TRMT9B: variants seen among roughly 807,000 people sequenced by gnomAD.
TRMT9B encodes the protein tRNA methyltransferase 9B (putative), also known as probable tRNA methyltransferase 9B.
In TRMT9B, 16 loss-of-function variants were observed where a neutral mutation model predicts 11.5. The observed-to-expected ratio is 1.39, with a 90% CI of 0.94 to 2.11. The LOEUF is 2.11. Among genes scored for constraint, TRMT9B ranks in the 30% most tolerant of loss-of-function variants. TRMT9B has a pLI of 0.00. For synonymous variants in TRMT9B, 274 were observed against 192.4 expected (o/e 1.42, Z -3.51); for missense variants, 941 against 553.8 (o/e 1.70, Z -7.02).
intron 1 of TRMT9B, among the ~76,000 whole-genome samples, chr8:12,956,086 A>G (rs1801264127): frequency 6.6e-6 from 1 of 152,170 alleles, no homozygotes; most frequent in Non-Finnish European, 1.5e-5. Context: ...TTTCCTTCTT[A>G]CGCTACTCAT....
In TRMT9B at chr8:13,028,515, T is replaced by C. The variant is rs1355363391; in HGVS notation, c.*6471T>C. ...GAATTCCCTGAAGAAGGTACAATTA[T>C]ATTTACATTCCCTTAGCAAGAATTT... is the stretch of plus-strand genomic sequence containing the variant. On this transcript the variant is annotated 3_prime_UTR_variant, in exon 5 of 5. Transcript: ENST00000524591. The C allele has an allele frequency of 1.2e-5, 2 of 166,846 alleles. No homozygotes were observed. The highest frequency in any genetic ancestry group is 4.8e-5 in the African/African-American group (2 of 41,414). 10.3% of individuals were successfully genotyped at this position (166,846 alleles called of 1,614,324 possible). A position where few individuals can be genotyped will look rare whatever the true frequency, so the allele number is the denominator to read the frequency against.
chr8:12,965,956 T>A (rs1290668330), intron 1 of TRMT9B, among the ~76,000 whole-genome samples: 1 of 150,848 alleles, frequency 6.6e-6, no homozygotes, highest in African/African-American at 2.4e-5. Flanking sequence ...GAAGTAGTAG[T>A]GAGCCAAGAT....
At position 13,024,930 on chromosome 8, in the gene TRMT9B, C is replaced by T. The variant is rs1390888204; in HGVS notation, c.*2886C>T. ...TTTTTTTTAAAAAGCCATTGAAGAG[C>T]AAAACTAATGTAAACGTCTTGATCA... On this transcript the variant is annotated 3_prime_UTR_variant, in exon 5 of 5. Transcript: ENST00000524591. The T allele has an allele frequency of 6.0e-6, 1 of 166,890 alleles. No individual in the cohort carries two copies. The highest frequency in any genetic ancestry group is 2.4e-5 in the African/African-American group (1 of 41,386). The allele number at this position is 166,890 out of a possible 1,614,324, so 10.3% of individuals were successfully genotyped here.
At chr8:12,984,954 T>TACAC (rs112248064) in intron 1 of TRMT9B, among the ~76,000 whole-genome samples, 1,949 of 136,410 alleles carry the variant, frequency 0.014, 32 homozygotes, top group African/African-American at 0.037. Flanking sequence ...TCCCTCAACA[T>TACAC]ACACACACAC....
chr8:12,964,879 A>G (rs1478406274), intron 1 of TRMT9B, among the ~76,000 whole-genome samples: 1 of 152,174 alleles, frequency 6.6e-6, no homozygotes, highest in East Asian at 1.9e-4. Flanking sequence ...GGTGTGAGCC[A>G]TGTGCTTGGT....
intron 3 of TRMT9B, chr8:13,006,561 A>G (rs1393130271): frequency 5.6e-6 from 8 of 1,423,444 alleles, no homozygotes; most frequent in Non-Finnish European, 6.4e-6. Context: ...TCTAATAGGA[A>G]TCCTGAAATT....
intron 1 of TRMT9B, among the ~76,000 whole-genome samples, chr8:12,983,938 T>A (rs1487752946): frequency 6.6e-6 from 1 of 152,188 alleles, no homozygotes; most frequent in Non-Finnish European, 1.5e-5. Context: ...ATTAATGATA[T>A]GTCCTATTTT....
chr8:13,006,516 A>T, intron 3 of TRMT9B, 160 bp downstream of exon 3: 1 of 1,455,624 alleles, frequency 6.9e-7, no homozygotes, highest in Non-Finnish European at 9.1e-7. Context: ...CCTTCCATTG[A>T]GCCTTTGCTT....
chr8:13,017,571 A>G (rs1336442966), intron 4 of TRMT9B, among the ~76,000 whole-genome samples: 1 of 149,564 alleles, frequency 6.7e-6, no homozygotes, highest in African/African-American at 2.5e-5. Context: ...ATGCGTATGC[A>G]TGTCTAATAC....
At chr8:12,960,417 A>G (rs1287032911) in intron 1 of TRMT9B, 1 of 152,218 alleles carries the variant, frequency 6.6e-6, no homozygotes, top group Non-Finnish European at 1.5e-5. Flanking sequence ...CCCAGAATGG[A>G]CAGTGTTCCC....
intron 1 of TRMT9B, among the ~76,000 whole-genome samples, chr8:12,950,815 C>T (rs903879562): frequency 6.6e-6 from 1 of 152,142 alleles, no homozygotes; most frequent in Non-Finnish European, 1.5e-5. Flanking sequence ...AGACCAGCGT[C>T]TATGTGAGAC....
chr8:13,021,842 A>G lies in TRMT9B; in HGVS notation c.1163A>G (p.Asn388Ser), dbSNP rs944085496. The G allele has an allele frequency of 1.2e-6, 2 of 1,613,776 alleles. No individual in the cohort carries two copies. Among genetic ancestry groups the G allele is most frequent in the Non-Finnish European group, 1.7e-6 (2 of 1,179,766 alleles). Residue 388 changes from asparagine to serine, a missense_variant, in exon 5 of 5, where the codon AAC becomes AGC. Asn to Ser is a conservative substitution (Grantham distance 46). Transcript: ENST00000524591. ...TCTGCAGTTGATTCCACAGATTTCA[A>G]CCCAGATGATACAATGTCTGTCGAA... ...RISAVDSTDF[N>S]PDDTMSVEDP...
At chr8:12,964,273 A>G (rs1356028267) in intron 1 of TRMT9B, among the ~76,000 whole-genome samples, 1 of 152,226 alleles carries the variant, frequency 6.6e-6, no homozygotes, top group Non-Finnish European at 1.5e-5. Context: ...CCTACAGTTG[A>G]TAACACATCC....
At chr8:13,005,679 C>T (rs4240190) in intron 2 of TRMT9B, among the ~76,000 whole-genome samples, 73,343 of 152,054 alleles carry the variant, frequency 0.48, 18,219 homozygotes, top group African/African-American at 0.61. Flanking sequence ...GCAAGAGAAC[C>T]GTTTTGCCAG....
intron 2 of TRMT9B, among the ~76,000 whole-genome samples, chr8:13,005,724 A>G (rs760577717): frequency 8.5e-5 from 13 of 152,226 alleles, no homozygotes; most frequent in African/African-American, 2.7e-4. Flanking sequence ...ATGGGCACCT[A>G]TACTAAAATA....
intron 1 of TRMT9B, among the ~76,000 whole-genome samples, chr8:12,985,032 C>T (rs191358745): frequency 1.3e-5 from 2 of 151,994 alleles, no homozygotes; most frequent in African/African-American, 4.8e-5. Flanking sequence ...ATGTTCATTT[C>T]CCCTATTTCG....
At chr8:12,968,700 G>C (rs976861306) in intron 1 of TRMT9B, among the ~76,000 whole-genome samples, 2 of 152,166 alleles carry the variant, frequency 1.3e-5, no homozygotes, top group Non-Finnish European at 2.9e-5. Flanking sequence ...AGTCCAGAAG[G>C]CCCCTCCCTG....
At position 13,016,225 on chromosome 8, in the gene TRMT9B, G is replaced by T. The variant is rs1478377908; in HGVS notation, c.328+3368G>T. 1.2e-4 allele frequency among the ~76,000 whole-genome samples: 14 copies of T among 114,878 alleles called. 2 individuals carry two copies. Among genetic ancestry groups the T allele is most frequent in the Non-Finnish European group, 1.6e-4 (9 of 55,680 alleles). The allele number at this position is 114,878 out of a possible 152,430, so 75.4% of individuals were successfully genotyped here. On this transcript the variant is annotated intron_variant, in intron 4 of 4. Transcript: ENST00000524591. Reference sequence around the variant, plus strand: ...ATTTATATATATAAAATATAAATGTGAAATATATATTATATATAAAATATA... The same window carrying T: ...ATTTATATATATAAAATATAAATGTTAAATATATATTATATATAAAATATA...
intron 1 of TRMT9B, among the ~76,000 whole-genome samples, chr8:12,965,541 G>A (rs1585115395): frequency 6.6e-6 from 1 of 152,138 alleles, no homozygotes; most frequent in Non-Finnish European, 1.5e-5. Context: ...TTAGTCCAAA[G>A]CTGACCTGTC....
Sources: allele counts gnomAD v4.1 joint callset (sites outside exome capture counted in the v4.1 genomes callset), GRCh38; gene constraint gnomAD v4.1.1; transcripts MANE v1.5; gene names NCBI Gene and HGNC (gene_info 2026-07-23, HGNC 2026-07-21).